SBNO1: variants seen among roughly 807,000 people sequenced by gnomAD.
SBNO1 encodes the protein protein strawberry notch homolog 1.
SBNO1 carries 23 observed loss-of-function variants against 173.6 expected under a neutral mutation model. The ratio of observed to expected loss-of-function variants is 0.13; its 90% CI spans 0.10 to 0.19. The LOEUF is 0.19. Among genes scored for constraint, SBNO1 ranks in the 10% least tolerant of loss-of-function variants. SBNO1 has a pLI of 1.00. For synonymous variants in SBNO1, 632 were observed against 571.5 expected (o/e 1.11, Z -1.51); for missense variants, 1,238 against 1,671.2 (o/e 0.74, Z 4.52).
rs1057040793 is a variant in SBNO1, at chr12:123,347,920, G to C, written c.237+109C>G. On this transcript the variant is annotated intron_variant, in intron 3 of 31. Transcript: ENST00000602398. The stretch of plus-strand genomic sequence containing the variant: ...CGGCTCAAGCAATCCTCCTACCTCA[G>C]CCTCTCAAAGTGCTGAGACTACAGG... The C allele has an allele frequency of 6.9e-5, 39 of 561,610 alleles. No individual in the cohort carries two copies. In the African/African-American group the frequency reaches 7.1e-4, roughly 10 times the overall value. 34.8% of individuals were successfully genotyped at this position (561,610 alleles called of 1,614,324 possible). A position where few individuals can be genotyped will look rare whatever the true frequency, so the allele number is the denominator to read the frequency against.
intron 5 of SBNO1, among the ~76,000 whole-genome samples, chr12:123,339,607 T>C (rs1231887575): frequency 6.6e-6 from 1 of 151,902 alleles, no homozygotes; most frequent in Non-Finnish European, 1.5e-5. Context: ...GCCAATGTGG[T>C]AAAACCCCGT....
chr12:123,315,342 G>A, intron 23 of SBNO1, 31 bp downstream of exon 23: 1 of 1,534,602 alleles, frequency 6.5e-7, no homozygotes, highest in African/African-American at 1.4e-5. Flanking sequence ...ACTATCACAA[G>A]TTTTCAGAGA....
Position 123,319,963 on chromosome 12 carries a change from T to A in SBNO1, c.2736A>T (p.Glu912Asp). Residue 912 changes from glutamate to aspartate, a missense_variant, in exon 20 of 32, where the codon GAA (glutamate) becomes GAT (aspartate). Around this residue, in one of 14 missense-constraint regions of SBNO1, gnomAD observed 45 missense variants for 85.5 expected, o/e 0.53. Transcript: ENST00000602398. ...TTAGTATTTCCACAGGCACATCAAG[T>A]TCAGATCTTGACTCATAAGATATGC... is the stretch of plus-strand genomic sequence containing the variant. ...DGSISYESRS[E>D]LDVPVEILNI... is the part of the protein sequence containing the mutation. The A allele has an allele frequency of 6.2e-7, 1 of 1,613,932 alleles. No homozygotes were observed. Among genetic ancestry groups the A allele is most frequent in the Non-Finnish European group, 8.5e-7 (1 of 1,179,806 alleles).
At chr12:123,352,216 T>G (rs932472601) in intron 1 of SBNO1, among the ~76,000 whole-genome samples, 2 of 152,218 alleles carry the variant, frequency 1.3e-5, no homozygotes, top group African/African-American at 2.4e-5. Flanking sequence ...TCATGTTACA[T>G]AAATATACTA....
intron 3 of SBNO1, among the ~76,000 whole-genome samples, chr12:123,346,359 G>C (rs1490739768): frequency 6.6e-6 from 1 of 152,106 alleles, no homozygotes; most frequent in Non-Finnish European, 1.5e-5. Flanking sequence ...TTAATAATGA[G>C]TCTTTAATAA....
rs1205372772 is a variant in SBNO1 at position 123,334,225 on chromosome 12, T to C, written c.749-12A>G. 5 of 1,491,376 alleles carry C rather than the reference T, an allele frequency of 3.4e-6. No individual in the cohort carries two copies. Among genetic ancestry groups the C allele is most frequent in the East Asian group, 4.8e-5 (2 of 41,436 alleles). 92.4% of individuals were successfully genotyped at this position (1,491,376 alleles called of 1,614,324 possible). ...TAGGCCAATTTTTACTAAACAAAAATGTAAAAACATTTTATTTTAATTATT... is the reference window on the plus strand; with the variant it reads ...TAGGCCAATTTTTACTAAACAAAAACGTAAAAACATTTTATTTTAATTATT... On this transcript the variant is annotated splice_polypyrimidine_tract_variant and intron_variant, in intron 6 of 31. Transcript: ENST00000602398.
chr12:123,297,878 T>A (rs938393898), intron 31 of SBNO1, 100 bp downstream of exon 31: 2 of 1,042,730 alleles, frequency 1.9e-6, no homozygotes, highest in African/African-American at 3.2e-5. Context: ...CTGGAAGAGA[T>A]GTTAGATGCA....
At chr12:123,347,537 GT>G (rs754616796) in intron 3 of SBNO1, among the ~76,000 whole-genome samples, 56 of 141,066 alleles carry the variant, frequency 4.0e-4, no homozygotes, top group Middle Eastern at 4.9e-3. Flanking sequence ...CTTTTTTTAT[GT>G]TTTTTGAGAT....
intron 1 of SBNO1, among the ~76,000 whole-genome samples, chr12:123,359,728 T>C (rs1485763013): frequency 6.6e-6 from 1 of 152,148 alleles, no homozygotes; most frequent in Admixed American, 6.6e-5. Flanking sequence ...CCATATCTTA[T>C]TCATAAAAGA....
chr12:123,316,192 T>A (rs1248078799), intron 21 of SBNO1, among the ~76,000 whole-genome samples: 1 of 152,136 alleles, frequency 6.6e-6, no homozygotes, highest in East Asian at 1.9e-4. Context: ...AAATGCAAGA[T>A]CTGAGATTTC....
At chr12:123,308,893 C>T (rs1014516943) in intron 28 of SBNO1, among the ~76,000 whole-genome samples, 4 of 152,126 alleles carry the variant, frequency 2.6e-5, no homozygotes, top group Admixed American at 6.6e-5. Context: ...CACCTGAGGT[C>T]GGGAGTTTGA....
Position 123,293,717 on chromosome 12 carries a change from GT to G in SBNO1, c.*2190del, listed in dbSNP as rs1215866704. On this transcript the variant is annotated 3_prime_UTR_variant, in exon 32 of 32. Coordinates refer to ENST00000602398, the MANE Select transcript of SBNO1 (RefSeq NM_001167856.3). The stretch of plus-strand genomic sequence containing the variant: ...CATTACATCATAGGCCATGGGGGTT[GT>G]CACTTAGCTGCATGCTAAGAATCCT... 6.6e-6 allele frequency: 1 copy of G among 152,226 alleles called. No homozygotes were observed. Among genetic ancestry groups the G allele is most frequent in the African/African-American group, 2.4e-5 (1 of 41,466 alleles). The allele number at this position is 152,226 out of a possible 1,614,324, so 9.4% of individuals were successfully genotyped here. A position where few individuals can be genotyped will look rare whatever the true frequency, so the allele number is the denominator to read the frequency against.
At chr12:123,310,970 TC>T in intron 25 of SBNO1, 84 bp downstream of exon 25, 7 of 1,007,912 alleles carry the variant, frequency 6.9e-6, no homozygotes, top group Non-Finnish European at 1.1e-5. Context: ...ACATGAAGCT[TC>T]CCCTTCAGCT....
At position 123,331,231 on chromosome 12, in the gene SBNO1, T is replaced by TA; in HGVS notation, c.1043+10dup. ...CTGCGCCTGGCCCACAGCCAGTTTTTAAACACTTACCACAATGCTCGTTTT... is the reference window on the plus strand; with the variant it reads ...CTGCGCCTGGCCCACAGCCAGTTTTTAAAACACTTACCACAATGCTCGTTTT... On this transcript the variant is annotated intron_variant, in intron 8 of 31. Transcript: ENST00000602398. 6.2e-7 allele frequency: 1 copy of TA among 1,613,394 alleles called. No homozygotes were observed. Among genetic ancestry groups the TA allele is most frequent in the Non-Finnish European group, 8.5e-7 (1 of 1,179,584 alleles).
intron 1 of SBNO1, 150 bp from the exon 2 acceptor site, chr12:123,350,591 AAG>A (rs1873761965): frequency 1.5e-6 from 1 of 682,134 alleles, no homozygotes; most frequent in African/African-American, 1.8e-5. Flanking sequence ...AAGAGGATAA[AAG>A]AGAAATAGTC....
rs573782650 is a variant in SBNO1, at chr12:123,292,006, G to A, written c.*3902C>T. On this transcript the variant is annotated 3_prime_UTR_variant, in exon 32 of 32. Transcript: ENST00000602398. ...GACACTGCATTTGTATCAGACAACT[G>A]GCATTCAATGAGACATTTTTTTTTT... is the stretch of plus-strand genomic sequence containing the variant. 161 of 147,244 alleles carry A rather than the reference G, an allele frequency of 1.1e-3. No individual in the cohort carries two copies. Among genetic ancestry groups the A allele is most frequent in the African/African-American group, 3.8e-3 (153 of 40,414 alleles). 9.1% of individuals were successfully genotyped at this position (147,244 alleles called of 1,614,324 possible). A position where few individuals can be genotyped will look rare whatever the true frequency, so the allele number is the denominator to read the frequency against.
At chr12:123,296,197 T>C (rs2048590729) in intron 31 of SBNO1, 147 bp from the exon 32 acceptor site, 1 of 581,978 alleles carries the variant, frequency 1.7e-6, no homozygotes, top group Non-Finnish European at 3.1e-6. Context: ...ATAAATGAAA[T>C]GGCCATTGAG....
chr12:123,308,747 C>A (rs572419919), intron 28 of SBNO1, among the ~76,000 whole-genome samples: 1 of 152,010 alleles, frequency 6.6e-6, no homozygotes, highest in Non-Finnish European at 1.5e-5. Context: ...GCAGGCAGAT[C>A]ACCTGAGGTC....
chr12:123,364,050 T>C, intron 1 of SBNO1: 2 of 985,490 alleles, frequency 2.0e-6, no homozygotes, highest in Non-Finnish European at 2.4e-6. Flanking sequence ...TGGGTAATTC[T>C]TAGGGTCTGG....
Sources: allele counts gnomAD v4.1 joint callset (sites outside exome capture counted in the v4.1 genomes callset), GRCh38; gene constraint gnomAD v4.1.1; regional missense constraint gnomAD v4.1.1; transcripts MANE v1.5; gene names NCBI Gene and HGNC (gene_info 2026-07-23, HGNC 2026-07-21).